The following LSAMP variants were observed in gnomAD, a reference collection of about 807,000 sequenced individuals.
LSAMP encodes limbic system-associated membrane protein.
In LSAMP, 7 loss-of-function variants were observed where a neutral mutation model predicts 38.6. The ratio of observed to expected loss-of-function variants is 0.18; its 90% CI spans 0.10 to 0.34. The LOEUF (loss-of-function observed/expected upper bound fraction) is 0.34, where lower values mean the gene tolerates loss of function less well. LSAMP is among the 10% of genes least tolerant of loss of function. The pLI is 1.00. For synonymous variants in LSAMP, 154 were observed against 166.8 expected (o/e 0.92, Z 0.59); for missense variants, 313 against 420.0 (o/e 0.75, Z 2.23).
intron 1 of LSAMP, among the ~76,000 whole-genome samples, chr3:116,277,209 G>A (rs963813890): frequency 6.6e-6 from 1 of 152,160 alleles, no homozygotes; most frequent in Non-Finnish European, 1.5e-5. Flanking sequence ...TGGTCAGCAT[G>A]GGCTGATATT....
At chr3:115,947,547 A>G (rs901265648) in intron 3 of LSAMP, among the ~76,000 whole-genome samples, 6 of 152,172 alleles carry the variant, frequency 3.9e-5, no homozygotes, top group African/African-American at 1.4e-4. Context: ...CAAGAGAGGC[A>G]TTTGGGTTTC....
rs6763769 is a variant in LSAMP at position 116,173,478 on chromosome 3, T to C, written c.156-86922A>G. Among the ~76,000 whole-genome samples the C allele has an allele frequency of 6.3e-3, 957 of 151,114 alleles. 12 individuals are homozygous for C. Among genetic ancestry groups the C allele is most frequent in the African/African-American group, 0.022 (907 of 40,720 alleles). ...TTATAATCCAGTGGCAAATGCCCAC[T>C]AATAATTCAGGAGTTAAAAAATGTG... On this transcript the variant is annotated intron_variant, in intron 1 of 6. Coordinates refer to ENST00000490035, the MANE Select transcript of LSAMP (RefSeq NM_002338.5).
intron 1 of LSAMP, among the ~76,000 whole-genome samples, chr3:116,280,213 G>T (rs913478983): frequency 6.6e-6 from 1 of 152,092 alleles, no homozygotes; most frequent in Non-Finnish European, 1.5e-5. Flanking sequence ...ATATTTCACC[G>T]AAATCACATT....
chr3:116,036,191 T>C (rs754209489), intron 2 of LSAMP, among the ~76,000 whole-genome samples: 7 of 152,014 alleles, frequency 4.6e-5, no homozygotes, highest in Non-Finnish European at 8.8e-5. Flanking sequence ...TATTTAGGAG[T>C]GTATGGGTCT....
At position 116,028,780 on chromosome 3, in the gene LSAMP, C is replaced by T. The variant is rs552555031; in HGVS notation, c.389-9140G>A. ...TAATGGCATTCTAGTTATATTTTTG[C>T]AGACTCCATGATTGCCAAAAGGTGT... is the stretch of plus-strand genomic sequence containing the variant. On this transcript the variant is annotated intron_variant, in intron 2 of 6. Coordinates refer to ENST00000490035, the MANE Select transcript of LSAMP (RefSeq NM_002338.5). 2.0e-3 allele frequency among the ~76,000 whole-genome samples: 309 copies of T among 152,200 alleles called. 2 individuals are homozygous for T. The highest frequency in any genetic ancestry group is 4.1e-3 in the Admixed American group (63 of 15,276).
At chr3:116,106,188 T>G (rs1708462869) in intron 1 of LSAMP, among the ~76,000 whole-genome samples, 1 of 152,130 alleles carries the variant, frequency 6.6e-6, no homozygotes, top group African/African-American at 2.4e-5. Flanking sequence ...CCAGCAAAGA[T>G]TATTTATTTA....
intron 1 of LSAMP, among the ~76,000 whole-genome samples, chr3:116,260,642 G>A (rs1025605763): frequency 6.6e-6 from 1 of 152,104 alleles, no homozygotes; most frequent in Non-Finnish European, 1.5e-5. Context: ...ACCTGGAGGA[G>A]GTTGAGGGAG....
At chr3:115,999,204 C>T (rs1939914613) in intron 3 of LSAMP, among the ~76,000 whole-genome samples, 1 of 152,170 alleles carries the variant, frequency 6.6e-6, no homozygotes, top group South Asian at 2.1e-4. Context: ...TATTCAGTGA[C>T]AGGAATCTTC....
At chr3:116,262,327 T>C (rs773989609) in intron 1 of LSAMP, among the ~76,000 whole-genome samples, 4 of 152,194 alleles carry the variant, frequency 2.6e-5, no homozygotes, top group Non-Finnish European at 4.4e-5. Flanking sequence ...TGTGAAACAA[T>C]AGATCCTAGA....
At chr3:116,437,736 T>C (rs549726569) in intron 1 of LSAMP, among the ~76,000 whole-genome samples, 75 of 152,062 alleles carry the variant, frequency 4.9e-4, no homozygotes, top group African/African-American at 1.7e-3. Flanking sequence ...AGGATACATT[T>C]ATGTATAATA....
intron 1 of LSAMP, among the ~76,000 whole-genome samples, chr3:116,257,343 C>A (rs988627262): frequency 1.3e-5 from 2 of 152,208 alleles, no homozygotes; most frequent in East Asian, 3.9e-4. Context: ...GCAAAATGTT[C>A]TTTTTCTATT....
intron 6 of LSAMP, among the ~76,000 whole-genome samples, chr3:115,817,765 C>T (rs1237998439): frequency 6.6e-6 from 1 of 152,102 alleles, no homozygotes; most frequent in Non-Finnish European, 1.5e-5. Context: ...TAAGAATTCT[C>T]CCCTCCTAGC....
At chr3:116,108,081 G>A (rs927713180) in intron 1 of LSAMP, among the ~76,000 whole-genome samples, 5 of 152,124 alleles carry the variant, frequency 3.3e-5, no homozygotes, top group South Asian at 4.2e-4. Flanking sequence ...AGCGGGGTAA[G>A]GGTGATTAGG....
At chr3:116,158,394 G>C (rs966580504) in intron 1 of LSAMP, among the ~76,000 whole-genome samples, 19 of 152,164 alleles carry the variant, frequency 1.2e-4, no homozygotes, top group African/African-American at 3.6e-4. Flanking sequence ...TATCCAAATA[G>C]GAAGTCAAAG....
At chr3:116,169,266 G>T (rs879400562) in intron 1 of LSAMP, among the ~76,000 whole-genome samples, 10 of 151,962 alleles carry the variant, frequency 6.6e-5, no homozygotes, top group African/African-American at 1.4e-4. Context: ...TAAGGCATAT[G>T]GGGGGAAAAA....
At chr3:115,913,238 C>T (rs546471180) in intron 3 of LSAMP, among the ~76,000 whole-genome samples, 34 of 152,282 alleles carry the variant, frequency 2.2e-4, no homozygotes, top group Middle Eastern at 3.4e-3. Flanking sequence ...TGGTCTTTAT[C>T]AGTTGTATAA....
intron 6 of LSAMP, among the ~76,000 whole-genome samples, chr3:115,829,330 C>T (rs774099328): frequency 1.3e-5 from 2 of 152,072 alleles, no homozygotes; most frequent in Non-Finnish European, 2.9e-5. Flanking sequence ...GAGTCTCTAA[C>T]CACTAAAGAA....
Position 115,841,854 on chromosome 3 carries a change from C to T in LSAMP, c.910G>A (p.Val304Ile). 4 of 1,611,222 alleles carry T rather than the reference C, an allele frequency of 2.5e-6. No individual in the cohort carries two copies. Among genetic ancestry groups the T allele is most frequent in the Non-Finnish European group, 2.5e-6 (3 of 1,179,018 alleles). The change falls in exon 6 of 7, where the codon GTC (valine) becomes ATC (isoleucine). Residue 304 changes from valine (V) to isoleucine (I), a missense_variant. Coordinates refer to ENST00000490035, the MANE Select transcript of LSAMP (RefSeq NM_002338.5). ...GCTTTGGCATACTTACTGAAAAGGA[C>T]TAGGCTGGCATTGGTGACCCCCAGC... is the stretch of plus-strand genomic sequence containing the variant. ...NKLGVTNASL[V>I]LFRPGSVRGI...
intron 3 of LSAMP, among the ~76,000 whole-genome samples, chr3:115,988,383 G>A (rs938816629): frequency 6.6e-6 from 1 of 152,102 alleles, no homozygotes; most frequent in Non-Finnish European, 1.5e-5. Flanking sequence ...TCTCAAGCTT[G>A]CTTCTGGAAC....
Sources: gnomAD v4.1 joint callset for allele counts (sites outside exome capture counted in the v4.1 genomes callset) on GRCh38, gnomAD v4.1.1 for gene constraint, MANE v1.5 for transcripts, NCBI Gene and HGNC (gene_info 2026-07-23, HGNC 2026-07-21) for gene names.